UBR1: variants seen among roughly 807,000 people sequenced by gnomAD.
UBR1 encodes E3 ubiquitin-protein ligase UBR1.
Under a neutral mutation model 242.1 loss-of-function variants are expected in UBR1, and 102 were observed. The ratio of observed to expected loss-of-function variants is 0.42; its 90% confidence interval spans 0.36 to 0.50. UBR1 has a LOEUF of 0.50. Among genes scored for constraint, UBR1 ranks in the 20% least tolerant of loss-of-function variants. UBR1 has a pLI of 0.01. For missense variants in UBR1, 1,772 were observed against 2,101.8 expected (o/e 0.84, Z 3.07); for synonymous variants, 675 against 684.8 (o/e 0.99, Z 0.22).
intron 38 of UBR1, 83 bp from the exon 39 acceptor site, chr15:42,976,950 C>A: frequency 7.0e-7 from 1 of 1,424,366 alleles, no homozygotes; most frequent in Non-Finnish European, 9.7e-7. Context: ...TGAAGGGCAG[C>A]AGATGCTACA....
intron 29 of UBR1, among the ~76,000 whole-genome samples, chr15:43,014,879 G>C (rs1474332585): frequency 6.7e-6 from 1 of 150,202 alleles, no homozygotes; most frequent in African/African-American, 2.4e-5. Context: ...CCAGAGGGAG[G>C]TGGGGGGTCA....
intron 3 of UBR1, among the ~76,000 whole-genome samples, chr15:43,075,554 G>C (rs866086171): frequency 1.4e-4 from 21 of 151,722 alleles, no homozygotes; most frequent in African/African-American, 5.1e-4. Flanking sequence ...TCGTCATCTA[G>C]CATTAGGTAT....
intron 46 of UBR1, among the ~76,000 whole-genome samples, chr15:42,947,639 A>T (rs2031760147): frequency 6.6e-6 from 1 of 152,180 alleles, no homozygotes; most frequent in South Asian, 2.1e-4. Context: ...ATACACCAAT[A>T]ACAGACAAAC....
intron 8 of UBR1, 73 bp downstream of exon 8, chr15:43,059,629 G>T (rs1468168561): frequency 3.8e-5 from 55 of 1,436,766 alleles, no homozygotes; most frequent in Non-Finnish European, 4.6e-5. Flanking sequence ...CATACTCAAT[G>T]ACATTTTAAA....
intron 35 of UBR1, among the ~76,000 whole-genome samples, chr15:42,985,353 G>A (rs2141273403): frequency 6.6e-6 from 1 of 151,976 alleles, no homozygotes; most frequent in South Asian, 2.1e-4. Context: ...TGCTCTTTTG[G>A]GTACAATTTT....
At chr15:43,051,678 T>TAACA (rs569183495) in intron 12 of UBR1, among the ~76,000 whole-genome samples, 2 of 152,204 alleles carry the variant, frequency 1.3e-5, no homozygotes, top group Non-Finnish European at 2.9e-5. Flanking sequence ...TTTTGGTTTC[T>TAACA]AACAATCTCA....
intron 21 of UBR1, among the ~76,000 whole-genome samples, chr15:43,028,905 G>A (rs1442710940): frequency 6.6e-6 from 1 of 152,020 alleles, no homozygotes; most frequent in Non-Finnish European, 1.5e-5. Context: ...CCAATATGGT[G>A]AAATCCCATC....
chr15:43,041,007 G>C (rs1009485059), intron 15 of UBR1, among the ~76,000 whole-genome samples: 2 of 152,180 alleles, frequency 1.3e-5, no homozygotes, highest in East Asian at 3.9e-4. Flanking sequence ...ACTGTAAACT[G>C]GTTCAACCAT....
intron 30 of UBR1, among the ~76,000 whole-genome samples, chr15:43,006,006 A>C (rs2032821404): frequency 6.7e-6 from 1 of 149,010 alleles, no homozygotes; most frequent in South Asian, 2.2e-4. Context: ...TCACATGTTT[A>C]TCTGCTGACC....
At chr15:43,064,887 C>T (rs966296249) in intron 6 of UBR1, among the ~76,000 whole-genome samples, 6 of 152,128 alleles carry the variant, frequency 3.9e-5, no homozygotes, top group Non-Finnish European at 8.8e-5. Flanking sequence ...ACATCTTTAT[C>T]ATCAAACAGG....
Position 43,002,557 on chromosome 15 carries a change from G to A in UBR1, c.3657C>T (p.Asn1219=). Residue 1219 remains asparagine (N), a splice_region_variant and synonymous_variant, in exon 32 of 47, where the codon AAC becomes AAT. Transcript: ENST00000290650. ...PIIPLQPQKI[N]SENADALAQL... is the part of the protein sequence containing the mutation. Reference sequence around the variant, plus strand: ...CCAAAACATAAATTAAAATATACCTGTTTATCTTTTGAGGTTGCAAAGGAA... The same window carrying A: ...CCAAAACATAAATTAAAATATACCTATTTATCTTTTGAGGTTGCAAAGGAA... 6.2e-7 allele frequency: 1 copy of A among 1,613,814 alleles called. No individual in the cohort carries two copies.
chr15:43,072,072 G>C (rs2033830308), intron 4 of UBR1, among the ~76,000 whole-genome samples: 1 of 151,956 alleles, frequency 6.6e-6, no homozygotes, highest in African/African-American at 2.4e-5. Flanking sequence ...GTAGAGATAG[G>C]GTCTCCTGGC....
At chr15:42,999,689 G>A (rs2032694030) in intron 32 of UBR1, among the ~76,000 whole-genome samples, 1 of 152,112 alleles carries the variant, frequency 6.6e-6, no homozygotes, top group African/African-American at 2.4e-5. Flanking sequence ...TTAGTGGGGT[G>A]TGGTGACACA....
chr15:43,082,508 T>C (rs996066171), intron 3 of UBR1, 130 bp downstream of exon 3: 1 of 754,778 alleles, frequency 1.3e-6, no homozygotes, highest in Admixed American at 2.1e-5. Flanking sequence ...TCTCTTCCAA[T>C]CTTTTCTTTA....
At chr15:43,035,904 G>A (rs1369818211) in intron 19 of UBR1, among the ~76,000 whole-genome samples, 8 of 141,284 alleles carry the variant, frequency 5.7e-5, no homozygotes, top group African/African-American at 2.1e-4. Flanking sequence ...ACAGGAAGGG[G>A]AATATCACAC....
intron 12 of UBR1, among the ~76,000 whole-genome samples, chr15:43,052,535 A>C (rs1041334737): frequency 6.6e-6 from 1 of 152,258 alleles, no homozygotes; most frequent in Admixed American, 6.5e-5. Context: ...AACTTATTTC[A>C]TGCTGAGGTA....
chr15:43,083,983 G>A (rs2034003073), intron 2 of UBR1, among the ~76,000 whole-genome samples: 2 of 152,064 alleles, frequency 1.3e-5, no homozygotes, highest in Non-Finnish European at 2.9e-5. Flanking sequence ...GGTGGAGGTT[G>A]CGGGTGAGCT....
At chr15:43,102,930 A>G (rs868201100) in intron 1 of UBR1, among the ~76,000 whole-genome samples, 7 of 152,176 alleles carry the variant, frequency 4.6e-5, no homozygotes, top group Middle Eastern at 3.2e-3. Flanking sequence ...CCACTTTGGG[A>G]GGCCAAGGCA....
At chr15:43,098,914 T>C (rs2034193017) in intron 1 of UBR1, among the ~76,000 whole-genome samples, 1 of 152,204 alleles carries the variant, frequency 6.6e-6, no homozygotes, top group African/African-American at 2.4e-5. Flanking sequence ...AGTGTGTCCT[T>C]ACTACACAAA....
Sources: gnomAD v4.1 joint callset for allele counts (sites outside exome capture counted in the v4.1 genomes callset) on GRCh38, gnomAD v4.1.1 for gene constraint, MANE v1.5 for transcripts, NCBI Gene and HGNC (gene_info 2026-07-23, HGNC 2026-07-21) for gene names.